Variants in ZNF69 observed in about 807,000 individuals in gnomAD.
The protein encoded by ZNF69 is ZNF3.
Under a neutral mutation model 50.9 loss-of-function variants are expected in ZNF69, and 47 were observed. The observed-to-expected ratio is 0.92, with a 90% CI of 0.73 to 1.18. The LOEUF is 1.18. Among genes scored for constraint, ZNF69 ranks in the 50% most tolerant of loss-of-function variants. The probability of loss-of-function intolerance (pLI) is 0.00; values close to 1 mark genes in which losing one functional copy is unlikely to be tolerated. For synonymous variants in ZNF69, 216 were observed against 223.1 expected (o/e 0.97, Z 0.29); for missense variants, 717 against 675.1 (o/e 1.06, Z -0.69).
the ZNF69 span, among the ~76,000 whole-genome samples, chr19:11,967,474 G>A: frequency 6.6e-6 from 1 of 151,806 alleles, no homozygotes; most frequent in African/African-American, 2.4e-5. Context: ...GCGCGATCTC[G>A]GCTCACTGCA....
Position 11,895,995 on chromosome 19 carries a change from G to A in ZNF69, c.64-7578G>A, listed in dbSNP as rs185204921. 4.6e-3 allele frequency among the ~76,000 whole-genome samples: 698 copies of A among 152,094 alleles called. 4 individuals carry two copies. The highest frequency in any genetic ancestry group is 0.02 in the Middle Eastern group (6 of 294). On this transcript the variant is annotated intron_variant, in intron 1 of 3. Transcript: ENST00000429654. ...AGCACTTTGGGAGGCTGAGGCGGGC[G>A]GAACACCCGAGGTCAGGAGTTTAAG...
At chr19:11,925,122 T>C in the ZNF69 span, 1 of 1,520,808 alleles carries the variant, frequency 6.6e-7, no homozygotes, top group Non-Finnish European at 9.0e-7. Context: ...CCTTCCTCGC[T>C]GCGCGGGCGG....
chr19:11,950,334 A>G, the ZNF69 span: 32 of 1,419,654 alleles, frequency 2.3e-5, no homozygotes, highest in South Asian at 2.3e-4. Flanking sequence ...AAACTTTCAC[A>G]TTTTCCAGTT....
chr19:11,923,053 G>A, the ZNF69 span, among the ~76,000 whole-genome samples: 7 of 152,196 alleles, frequency 4.6e-5, no homozygotes, highest in Admixed American at 3.9e-4. Context: ...CGGGCTTCAA[G>A]TGATCCTGCC....
chr19:11,914,810 G>A (rs909443898), downstream of ZNF69, among the ~76,000 whole-genome samples: 2 of 152,220 alleles, frequency 1.3e-5, no homozygotes, highest in Non-Finnish European at 2.9e-5. Context: ...TCTGTGTGTG[G>A]AGGTGACACA....
At chr19:11,967,423 G>T in the ZNF69 span, among the ~76,000 whole-genome samples, 1 of 150,704 alleles carries the variant, frequency 6.6e-6, no homozygotes, top group East Asian at 2.0e-4. Context: ...GTTTTTTTTT[G>T]AGACGGAGTC....
chr19:11,914,603 G>C (rs146330853), downstream of ZNF69, among the ~76,000 whole-genome samples: 874 of 152,298 alleles, frequency 5.7e-3, 8 homozygotes, highest in African/African-American at 0.02. Context: ...CTTGTCAACA[G>C]CCTGCTTATC....
chr19:11,966,897 C>T, the ZNF69 span, among the ~76,000 whole-genome samples: 1 of 152,106 alleles, frequency 6.6e-6, no homozygotes, highest in Non-Finnish European at 1.5e-5. Context: ...GAGAAAAGGA[C>T]TCAGTCCTCC....
downstream of ZNF69, among the ~76,000 whole-genome samples, chr19:11,910,081 A>G (rs1453734136): frequency 1.3e-5 from 2 of 151,994 alleles, no homozygotes; most frequent in East Asian, 3.9e-4. Context: ...ATTGCTTCAA[A>G]GAGAATAAAA....
the ZNF69 span, chr19:11,978,006 A>G: frequency 7.5e-7 from 1 of 1,340,392 alleles, no homozygotes. Flanking sequence ...CAATTCAGCC[A>G]GGGCAGAAAG....
At chr19:11,888,107 C>T (rs960860019) in intron 1 of ZNF69, 121 bp downstream of exon 1, 11 of 883,252 alleles carry the variant, frequency 1.2e-5, no homozygotes, top group African/African-American at 1.0e-4. Context: ...CCGAGTCCTC[C>T]TGGAGCCGCT....
chr19:11,912,695 A>G (rs746992092), intron 4 of ZNF69, among the ~76,000 whole-genome samples: 1 of 152,256 alleles, frequency 6.6e-6, no homozygotes, highest in African/African-American at 2.4e-5. Flanking sequence ...GAGAAGCCCT[A>G]TGAATGTAAG....
chr19:11,936,676 G>A, the ZNF69 span, among the ~76,000 whole-genome samples: 9 of 152,292 alleles, frequency 5.9e-5, no homozygotes. Flanking sequence ...TTGCTGTGCA[G>A]AAGCTCTTTA....
At chr19:11,952,164 A>C in the ZNF69 span, among the ~76,000 whole-genome samples, 2 of 151,130 alleles carry the variant, frequency 1.3e-5, no homozygotes, top group Non-Finnish European at 2.9e-5. Flanking sequence ...GGGCAACAAG[A>C]GTGAAACTCC....
the ZNF69 span, among the ~76,000 whole-genome samples, chr19:11,936,669 C>T: frequency 6.6e-6 from 1 of 152,148 alleles, no homozygotes; most frequent in Non-Finnish European, 1.5e-5. Flanking sequence ...GTTTCTTTTG[C>T]TGTGCAGAAG....
chr19:11,952,191 C>T, the ZNF69 span, among the ~76,000 whole-genome samples: 255 of 152,038 alleles, frequency 1.7e-3, 3 homozygotes, highest in African/African-American at 5.8e-3. Flanking sequence ...AAAAAAAAGA[C>T]TTGGCCTTGT....
Position 11,905,397 on chromosome 19 carries a change from T to C in ZNF69, c.1000T>C (p.Cys334Arg). The change falls in exon 4 of 4, where the codon TGT (cysteine) becomes CGT (arginine). Residue 334 changes from cysteine to arginine, a missense_variant. By Grantham distance (180) the Cys-to-Arg change is radical (BLOSUM62 -3). Transcript: ENST00000429654. ...CCACTCTAGGAAAAAACCCTATGAA[T>C]GTACGCAGTGTGGGAAAGCATTATC... ...RTHSRKKPYE[C>R]TQCGKALSSL... The C allele has an allele frequency of 6.2e-7, 1 of 1,614,166 alleles. No homozygotes were observed. Among genetic ancestry groups the C allele is most frequent in the Non-Finnish European group, 8.5e-7 (1 of 1,180,020 alleles).
chr19:11,977,159 C>T, the ZNF69 span: 1 of 1,614,054 alleles, frequency 6.2e-7, no homozygotes, highest in Non-Finnish European at 8.5e-7. Flanking sequence ...AACCTGACCT[C>T]TATAGGTAAG....
chr19:11,895,939 A>T (rs1977214436), intron 1 of ZNF69, among the ~76,000 whole-genome samples: 1 of 152,066 alleles, frequency 6.6e-6, no homozygotes, highest in South Asian at 2.1e-4. Flanking sequence ...AGATGCCCAG[A>T]CTGGGCATGG....
Sources: allele counts gnomAD v4.1 joint callset (sites outside exome capture counted in the v4.1 genomes callset), GRCh38; gene constraint gnomAD v4.1.1; transcripts MANE v1.5; gene names NCBI Gene and HGNC (gene_info 2026-07-23, HGNC 2026-07-21).